VAV3: variants seen among roughly 807,000 people sequenced by gnomAD.
The protein encoded by VAV3 is vav guanine nucleotide exchange factor 3.
A neutral mutation model predicts 131.2 loss-of-function variants in VAV3; 94 were observed. That is an observed-to-expected ratio of 0.72 (90% CI 0.61 to 0.85). VAV3 has a LOEUF of 0.85. VAV3 is among the 40% of genes least tolerant of loss of function. VAV3 has a pLI of 0.00. For missense variants in VAV3, 939 were observed against 1,002.7 expected (o/e 0.94, Z 0.86); for synonymous variants, 349 against 342.0 (o/e 1.02, Z -0.22).
At chr1:107,848,424 T>C (rs191514094) in intron 2 of VAV3, among the ~76,000 whole-genome samples, 127 of 151,742 alleles carry the variant, frequency 8.4e-4, no homozygotes, top group African/African-American at 2.7e-3. Flanking sequence ...GTTCAACATA[T>C]GAAAATCAAT....
At chr1:107,930,791 G>A (rs1673396065) in intron 1 of VAV3, among the ~76,000 whole-genome samples, 1 of 152,056 alleles carries the variant, frequency 6.6e-6, no homozygotes, top group Non-Finnish European at 1.5e-5. Flanking sequence ...CTACGTGTGG[G>A]GCAACCAGCC....
chr1:107,941,562 G>A (rs557675455), intron 1 of VAV3, among the ~76,000 whole-genome samples: 2 of 152,250 alleles, frequency 1.3e-5, no homozygotes, highest in African/African-American at 4.8e-5. Flanking sequence ...TAAAAGATTA[G>A]AGTTTCTGTA....
chr1:107,768,307 G>T, intron 7 of VAV3, 134 bp downstream of exon 7: 1 of 635,436 alleles, frequency 1.6e-6, no homozygotes, highest in Non-Finnish European at 2.5e-6. Flanking sequence ...AACTGGAAAA[G>T]CAAAAAATAA....
At chr1:107,839,758 A>G (rs1018083301) in intron 2 of VAV3, among the ~76,000 whole-genome samples, 5 of 152,152 alleles carry the variant, frequency 3.3e-5, no homozygotes, top group Admixed American at 6.6e-5. Flanking sequence ...GAAAAGATCA[A>G]TAAAACTGAT....
At chr1:107,676,572 T>C (rs745791779) in intron 19 of VAV3, among the ~76,000 whole-genome samples, 54 of 152,176 alleles carry the variant, frequency 3.5e-4, no homozygotes, top group Non-Finnish European at 6.8e-4. Flanking sequence ...GCCAAAATGC[T>C]TTGGAATTCC....
intron 15 of VAV3, among the ~76,000 whole-genome samples, chr1:107,723,061 T>A (rs1326007259): frequency 1.3e-5 from 2 of 152,278 alleles, no homozygotes; most frequent in Non-Finnish European, 1.5e-5. Flanking sequence ...CATGTTATTG[T>A]GTAATTATTT....
chr1:107,962,209 C>A (rs1160831335), intron 1 of VAV3, among the ~76,000 whole-genome samples: 1 of 152,172 alleles, frequency 6.6e-6, no homozygotes, highest in Non-Finnish European at 1.5e-5. Context: ...GCCACAAGTA[C>A]TAGTAATGAC....
intron 19 of VAV3, among the ~76,000 whole-genome samples, chr1:107,643,280 T>C (rs1159676815): frequency 6.6e-6 from 1 of 152,200 alleles, no homozygotes; most frequent in African/African-American, 2.4e-5. Flanking sequence ...GACATTCATA[T>C]GGAGAAACTC....
intron 1 of VAV3, among the ~76,000 whole-genome samples, chr1:107,886,959 C>A (rs1273385656): frequency 3.3e-5 from 5 of 152,066 alleles, no homozygotes; most frequent in African/African-American, 1.2e-4. Context: ...AACAAATGTT[C>A]TACCAATTGT....
At chr1:107,902,798 C>G (rs1671926651) in intron 1 of VAV3, among the ~76,000 whole-genome samples, 1 of 152,116 alleles carries the variant, frequency 6.6e-6, no homozygotes, top group African/African-American at 2.4e-5. Context: ...AAAAAGCTTA[C>G]AGACTTATTT....
At chr1:107,764,241 A>G (rs559578621) in intron 9 of VAV3, among the ~76,000 whole-genome samples, 30 of 152,144 alleles carry the variant, frequency 2.0e-4, no homozygotes, top group Admixed American at 1.1e-3. Context: ...TCTGGTCAAT[A>G]CATACCAATT....
chr1:107,894,845 T>C (rs1671489033), intron 1 of VAV3, among the ~76,000 whole-genome samples: 1 of 152,212 alleles, frequency 6.6e-6, no homozygotes, highest in African/African-American at 2.4e-5. Flanking sequence ...ATTCCTGGTG[T>C]TCTGGTTGCC....
intron 20 of VAV3, among the ~76,000 whole-genome samples, chr1:107,620,765 C>T (rs1224735672): frequency 6.6e-6 from 1 of 151,894 alleles, no homozygotes; most frequent in Non-Finnish European, 1.5e-5. Flanking sequence ...GATGAGAACC[C>T]AAAGAATAAA....
intron 22 of VAV3, among the ~76,000 whole-genome samples, chr1:107,604,534 C>T (rs1270521854): frequency 6.6e-6 from 1 of 152,146 alleles, no homozygotes; most frequent in Non-Finnish European, 1.5e-5. Flanking sequence ...GTTTCTCAAG[C>T]TCCTTTTGCG....
At chr1:107,898,935 C>G (rs1671733869) in intron 1 of VAV3, among the ~76,000 whole-genome samples, 1 of 152,072 alleles carries the variant, frequency 6.6e-6, no homozygotes, top group Non-Finnish European at 1.5e-5. Flanking sequence ...ACACTCAGTC[C>G]ATTTGTCAAC....
chr1:107,806,463 G>A (rs1667064487), intron 2 of VAV3, among the ~76,000 whole-genome samples: 1 of 151,934 alleles, frequency 6.6e-6, no homozygotes, highest in African/African-American at 2.4e-5. Flanking sequence ...TTTCTGTGGG[G>A]GCCATTGAAG....
chr1:107,749,139 A>G, intron 14 of VAV3, 62 bp from the exon 15 acceptor site: 2 of 1,218,008 alleles, frequency 1.6e-6, no homozygotes, highest in Non-Finnish European at 2.3e-6. Context: ...CTAAATTCAC[A>G]AGAATACCAC....
At chr1:107,668,616 A>G (rs1469259837) in intron 19 of VAV3, 1 of 984,390 alleles carries the variant, frequency 1.0e-6, no homozygotes, top group African/African-American at 1.7e-5. Context: ...GTGTAGAATA[A>G]GAGATTAGCA....
chr1:107,709,430 T>C (rs1004039719), intron 15 of VAV3, among the ~76,000 whole-genome samples: 8 of 152,042 alleles, frequency 5.3e-5, no homozygotes, highest in African/African-American at 1.7e-4. Context: ...ACATTTTTAT[T>C]AAGCCAAAAA....
Sources: allele counts gnomAD v4.1 joint callset (sites outside exome capture counted in the v4.1 genomes callset), GRCh38; gene constraint gnomAD v4.1.1; transcripts MANE v1.5; gene names NCBI Gene and HGNC (gene_info 2026-07-23, HGNC 2026-07-21).